Variants in OTOGL observed in about 807,000 individuals in gnomAD.
OTOGL encodes the protein otogelin like, also known as otogelin-like protein.
In OTOGL, 285 loss-of-function variants were observed where a neutral mutation model predicts 318.5. That is an observed-to-expected ratio of 0.89 (90% CI 0.81 to 0.99). OTOGL has a LOEUF of 0.99. Among genes scored for constraint, OTOGL ranks in the 50% least tolerant of loss-of-function variants. The pLI is 0.00. For synonymous variants in OTOGL, 987 were observed against 936.5 expected (o/e 1.05, Z -0.99); for missense variants, 2,899 against 2,845.6 (o/e 1.02, Z -0.43).
In OTOGL at chr12:80,368,398, A is replaced by G. The variant is rs368205913; in HGVS notation, c.6615+89A>G. 3.1e-3 allele frequency: 2,376 copies of G among 777,714 alleles called. 11 individuals carry two copies. Among genetic ancestry groups the G allele is most frequent in the East Asian group, 3.3e-3 (118 of 35,734 alleles). The allele number at this position is 777,714 out of a possible 1,614,324, so 48.2% of individuals were successfully genotyped here. ...TTGGAAAATGTCCCCCCCCACACAC[A>G]CTGCACTGCATACAATAAACACAGT... On this transcript the variant is annotated intron_variant, in intron 55 of 58. Coordinates refer to ENST00000547103, the MANE Select transcript of OTOGL (RefSeq NM_001378609.3).
intron 1 of OTOGL, among the ~76,000 whole-genome samples, chr12:80,170,388 G>T (rs1211696183): frequency 2.0e-5 from 3 of 151,880 alleles, no homozygotes; most frequent in African/African-American, 7.3e-5. Flanking sequence ...TTTTTTTGGT[G>T]CAGTGTCTTG....
intron 8 of OTOGL, among the ~76,000 whole-genome samples, chr12:80,232,110 T>C (rs1264462222): frequency 6.6e-6 from 1 of 152,220 alleles, no homozygotes. Flanking sequence ...GTCACCCACT[T>C]CCTTTATATG....
chr12:80,117,114 A>T (rs569300481), intron 1 of OTOGL, among the ~76,000 whole-genome samples: 14 of 152,260 alleles, frequency 9.2e-5, no homozygotes, highest in African/African-American at 3.1e-4. Context: ...TCTCAATTGG[A>T]TAATGGCTCA....
chr12:80,157,326 T>G (rs1020470743), intron 1 of OTOGL, among the ~76,000 whole-genome samples: 3 of 152,160 alleles, frequency 2.0e-5, no homozygotes, highest in African/African-American at 7.2e-5. Context: ...GAAATCCTTA[T>G]ATATTCTGGT....
At chr12:80,121,145 C>T (rs549446768) in intron 1 of OTOGL, among the ~76,000 whole-genome samples, 1 of 152,256 alleles carries the variant, frequency 6.6e-6, no homozygotes, top group South Asian at 2.1e-4. Context: ...CAACCTCTCC[C>T]TCTGCCCTGT....
At chr12:80,271,171 C>CA (rs1243393178) in intron 23 of OTOGL, among the ~76,000 whole-genome samples, 1 of 152,098 alleles carries the variant, frequency 6.6e-6, no homozygotes, top group African/African-American at 2.4e-5. Flanking sequence ...AGCCTTCTCA[C>CA]AGAGGAACCC....
Position 80,318,604 on chromosome 12 carries a change from G to C in OTOGL, c.3693G>C (p.Gly1231=). The C allele has an allele frequency of 3.4e-6, 5 of 1,455,838 alleles. No individual in the cohort carries two copies. Among genetic ancestry groups the C allele is most frequent in the Non-Finnish European group, 4.5e-6 (5 of 1,104,754 alleles). The allele number at this position is 1,455,838 out of a possible 1,614,324, so 90.2% of individuals were successfully genotyped here. The part of the protein sequence containing the change: ...ASYGQSGLVL[G]ANMTSRSVFC... ...ATGGGCAGAGTGGCCTTGTTCTGGG[G>C]GCCAATATGACCAGCAGAAGCGTTT... is the stretch of plus-strand genomic sequence containing the variant. Residue 1231 remains glycine (G), a synonymous_variant, in exon 33 of 59, where the codon GGG becomes GGC. Coordinates refer to ENST00000547103, the MANE Select transcript of OTOGL (RefSeq NM_001378609.3).
Position 80,342,157 on chromosome 12 carries a change from G to T in OTOGL, c.5260G>T (p.Asp1754Tyr). 6.4e-7 allele frequency: 1 copy of T among 1,565,332 alleles called. No individual in the cohort carries two copies. Among genetic ancestry groups the T allele is most frequent in the Non-Finnish European group, 8.7e-7 (1 of 1,151,566 alleles). Residue 1754 changes from aspartate to tyrosine, a missense_variant, in exon 44 of 59, where the codon GAT (aspartate) becomes TAT (tyrosine). Transcript: ENST00000547103. Reference protein sequence around the residue: ...LNRRIFIPCHDKVSPEDFCEK... With the variant: ...LNRRIFIPCHYKVSPEDFCEK... ...TAGAAGAATTTTCATTCCATGTCAT[G>T]ATAAAGTAAGTTGGAAGCAACCATA...
intron 1 of OTOGL, among the ~76,000 whole-genome samples, chr12:80,107,800 A>G (rs1869544248): frequency 6.6e-6 from 1 of 152,168 alleles, no homozygotes; most frequent in Non-Finnish European, 1.5e-5. Context: ...CTTTGCAGCA[A>G]CATGATGGAG....
chr12:80,375,159 A>T (rs7138410), intron 57 of OTOGL, among the ~76,000 whole-genome samples: 129,443 of 152,124 alleles, frequency 0.85, 55,111 homozygotes, highest in South Asian at 0.88. Context: ...CTTTCTGAAG[A>T]CTAGGCTGTG....
intron 1 of OTOGL, among the ~76,000 whole-genome samples, chr12:80,198,315 C>T (rs1030637352): frequency 1.2e-4 from 19 of 152,070 alleles, no homozygotes; most frequent in South Asian, 4.1e-4. Flanking sequence ...TGGCTGGGTG[C>T]GGTGGCTCAT....
intron 1 of OTOGL, among the ~76,000 whole-genome samples, chr12:80,120,810 T>A (rs1398380340): frequency 3.3e-5 from 5 of 152,180 alleles, no homozygotes; most frequent in African/African-American, 7.2e-5. Flanking sequence ...ACCCAGGGAC[T>A]ATCTCTACCC....
chr12:80,144,952 A>G (rs1565877139), intron 1 of OTOGL, among the ~76,000 whole-genome samples: 1 of 151,330 alleles, frequency 6.6e-6, no homozygotes, highest in Non-Finnish European at 1.5e-5. Flanking sequence ...GATTCTGGAT[A>G]TTAGCCCTTT....
chr12:80,115,179 G>A (rs1018612862), intron 1 of OTOGL, among the ~76,000 whole-genome samples: 1 of 152,050 alleles, frequency 6.6e-6, no homozygotes. Context: ...AGGCATTCTG[G>A]TTTTTGTAAT....
chr12:80,264,953 G>A, intron 19 of OTOGL, 48 bp from the exon 20 acceptor site: 2 of 1,555,864 alleles, frequency 1.3e-6, no homozygotes, highest in Non-Finnish European at 1.8e-6. Context: ...ATAATTCTGG[G>A]GTAAGATCTG....
rs1882847289 is a variant in OTOGL, at chr12:80,265,110, G to A, written c.2124G>A (p.Lys708=). ...YYQLCRHDAC[K]CGSSCLCNAL... Reference sequence around the variant, plus strand: ...AGCTATGCCGCCACGATGCATGCAAGTGTGGAAGCTCCTGCCTGTGCAATG... The same window carrying A: ...AGCTATGCCGCCACGATGCATGCAAATGTGGAAGCTCCTGCCTGTGCAATG... The change falls in exon 20 of 59, where the codon AAG becomes AAA. Residue 708 remains lysine (K), a synonymous_variant. Coordinates refer to ENST00000547103, the MANE Select transcript of OTOGL (RefSeq NM_001378609.3). 2 of 1,613,902 alleles carry A rather than the reference G, an allele frequency of 1.2e-6. No individual in the cohort carries two copies. Among genetic ancestry groups the A allele is most frequent in the Middle Eastern group, 1.7e-4 (1 of 6,058 alleles).
At chr12:80,212,114 C>A in intron 4 of OTOGL, 117 bp downstream of exon 4, 1 of 1,066,556 alleles carries the variant, frequency 9.4e-7, no homozygotes, top group Non-Finnish European at 1.3e-6. Flanking sequence ...AAGAACAAGA[C>A]AGGAAGGAGG....
chr12:80,267,747 A>T (rs561843996), intron 22 of OTOGL, among the ~76,000 whole-genome samples: 2 of 152,016 alleles, frequency 1.3e-5, no homozygotes, highest in South Asian at 4.2e-4. Context: ...AATATATTAT[A>T]ATCATGTGAT....
At chr12:80,241,781 G>A (rs1037040035) in intron 11 of OTOGL, among the ~76,000 whole-genome samples, 7 of 152,042 alleles carry the variant, frequency 4.6e-5, no homozygotes, top group African/African-American at 1.2e-4. Flanking sequence ...AATCCATGCC[G>A]GTTAGTGGTC....
Sources: gnomAD v4.1 joint callset for allele counts (sites outside exome capture counted in the v4.1 genomes callset) on GRCh38, gnomAD v4.1.1 for gene constraint, MANE v1.5 for transcripts, NCBI Gene and HGNC (gene_info 2026-07-23, HGNC 2026-07-21) for gene names.